FAM168B: variants seen among roughly 807,000 people sequenced by gnomAD.
FAM168B encodes the protein family with sequence similarity 168 member B, also known as myelin-associated neurite-outgrowth inhibitor.
A neutral mutation model predicts 21.8 loss-of-function variants in FAM168B; 19 were observed. The observed-to-expected ratio is 0.87, with a 90% CI of 0.61 to 1.28. The LOEUF (loss-of-function observed/expected upper bound fraction) is 1.28, where lower values mean the gene tolerates loss of function less well. Ranked by LOEUF, FAM168B falls within the 50% of genes most tolerant of loss-of-function variation. The pLI, the probability that FAM168B is intolerant of heterozygous loss-of-function variation, is 0.00. For missense variants in FAM168B, 233 were observed against 263.1 expected, an observed-to-expected ratio of 0.89 and a Z score of 0.79; for synonymous variants, 126 against 104.8, an observed-to-expected ratio of 1.20 and a Z score of -1.24.
intron 2 of FAM168B, among the ~76,000 whole-genome samples, chr2:131,076,428 G>A (rs1371836653): frequency 2.6e-5 from 4 of 152,040 alleles, no homozygotes; most frequent in Non-Finnish European, 5.9e-5. Flanking sequence ...TTGGGAGGCC[G>A]AGGCAGGTGG....
In FAM168B at chr2:131,059,017, T is replaced by A. The variant is rs116541756; in HGVS notation, c.155-3322A>T. On this transcript the variant is annotated intron_variant, in intron 3 of 6. Transcript: ENST00000389915. ...CCGGGACAGTCCAATTCCCCCTAAG[T>A]GACTAGCTAACTCAGGGAAGAAATG... 4.8e-3 allele frequency among the ~76,000 whole-genome samples: 737 copies of A among 152,190 alleles called. 2 individuals are homozygous for A. The highest frequency in any genetic ancestry group is 7.7e-3 in the Non-Finnish European group (522 of 68,022).
intron 2 of FAM168B, among the ~76,000 whole-genome samples, chr2:131,080,089 C>T (rs1339164594): frequency 6.6e-6 from 1 of 151,642 alleles, no homozygotes; most frequent in African/African-American, 2.4e-5. Context: ...TGCACTCCAG[C>T]CTGGGCAACA....
chr2:131,051,462 C>G lies in FAM168B; in HGVS notation c.*1003G>C. The G allele has an allele frequency of 1.0e-6, 1 of 982,130 alleles. No individual in the cohort carries two copies. The highest frequency in any genetic ancestry group is 1.2e-6 in the Non-Finnish European group (1 of 829,572). The allele number at this position is 982,130 out of a possible 1,614,324, so 60.8% of individuals were successfully genotyped here. On this transcript the variant is annotated 3_prime_UTR_variant, in exon 7 of 7. Transcript: ENST00000389915. ...AACAGCAATGCCTACCTGTTTTCAG[C>G]TGATTCAAACATTTCTCCAGGAAAA...
At chr2:131,055,839 C>T in intron 3 of FAM168B, 144 bp from the exon 4 acceptor site, 1 of 957,374 alleles carries the variant, frequency 1.0e-6, no homozygotes, top group Non-Finnish European at 1.5e-6. Flanking sequence ...CTCTCCTCCA[C>T]TAAGATCTGA....
chr2:131,058,955 T>C (rs1692163689), intron 3 of FAM168B, among the ~76,000 whole-genome samples: 3 of 152,112 alleles, frequency 2.0e-5, no homozygotes, highest in African/African-American at 7.2e-5. Context: ...AAGGAAAAGG[T>C]AGTGTGTCCG....
Position 131,093,435 on chromosome 2 carries a change from G to C in FAM168B, c.-233C>G, listed in dbSNP as rs925803604. On this transcript the variant is annotated 5_prime_UTR_variant, in exon 1 of 7. Transcript: ENST00000389915. ...TCCGCAGCCCGCGCTCCCCGCCGACGCTGCGCAGCCACCGGAGCCGCCGAC... is the reference window on the plus strand; with the variant it reads ...TCCGCAGCCCGCGCTCCCCGCCGACCCTGCGCAGCCACCGGAGCCGCCGAC... The C allele has an allele frequency of 3.3e-5, 5 of 151,272 alleles. No individual in the cohort carries two copies. The highest frequency in any genetic ancestry group is 4.1e-4 in the South Asian group (2 of 4,894). The allele number at this position is 151,272 out of a possible 1,614,324, so 9.4% of individuals were successfully genotyped here.
intron 2 of FAM168B, among the ~76,000 whole-genome samples, chr2:131,075,420 G>C (rs1018579717): frequency 3.3e-5 from 5 of 151,994 alleles, no homozygotes; most frequent in African/African-American, 1.2e-4. Flanking sequence ...CTCTGGATTT[G>C]TTTGCTGAAG....
intron 1 of FAM168B, among the ~76,000 whole-genome samples, chr2:131,087,041 G>C (rs1163380560): frequency 7.8e-6 from 1 of 127,616 alleles, no homozygotes; most frequent in Non-Finnish European, 1.6e-5. Context: ...ACTCCAGCCT[G>C]GGCGACAGCG....
chr2:131,085,527 T>C (rs752387992), intron 1 of FAM168B, among the ~76,000 whole-genome samples: 11 of 152,112 alleles, frequency 7.2e-5, no homozygotes, highest in Admixed American at 3.3e-4. Flanking sequence ...GAAGACAAAA[T>C]ACAAAAAGAA....
chr2:131,060,876 G>A (rs952793149), intron 3 of FAM168B, among the ~76,000 whole-genome samples: 1 of 151,876 alleles, frequency 6.6e-6, no homozygotes, highest in African/African-American at 2.4e-5. Flanking sequence ...TTTTGAGACG[G>A]AGTCTCGCTC....
At chr2:131,090,184 G>A (rs1174240055) in intron 1 of FAM168B, among the ~76,000 whole-genome samples, 24 of 147,878 alleles carry the variant, frequency 1.6e-4, no homozygotes, top group South Asian at 4.3e-4. Flanking sequence ...ATCCAGGCAC[G>A]GTGGCAGGCG....
In FAM168B at chr2:131,048,371, G is replaced by T. The variant is rs1005603196; in HGVS notation, c.*4094C>A. Reference sequence around the variant, plus strand: ...GTGGTGAGGAGGAGACACCTGTCATGCCAGTCCTGGGAGCACACCACCCTT... The same window carrying T: ...GTGGTGAGGAGGAGACACCTGTCATTCCAGTCCTGGGAGCACACCACCCTT... On this transcript the variant is annotated 3_prime_UTR_variant, in exon 7 of 7. Transcript: ENST00000389915. 7.7e-7 allele frequency: 1 copy of T among 1,291,670 alleles called. No homozygotes were observed. Among genetic ancestry groups the T allele is most frequent in the African/African-American group, 1.5e-5 (1 of 65,626 alleles). The allele number at this position is 1,291,670 out of a possible 1,614,324, so 80.0% of individuals were successfully genotyped here. A position where few individuals can be genotyped will look rare whatever the true frequency, so the allele number is the denominator to read the frequency against.
chr2:131,076,746 A>C (rs1693173360), intron 2 of FAM168B, among the ~76,000 whole-genome samples: 1 of 152,154 alleles, frequency 6.6e-6, no homozygotes, highest in African/African-American at 2.4e-5. Flanking sequence ...ACAAATTCAG[A>C]TAAAGTATCT....
chr2:131,082,477 C>T, intron 2 of FAM168B, 100 bp downstream of exon 2: 2 of 764,978 alleles, frequency 2.6e-6, no homozygotes, highest in Non-Finnish European at 2.1e-6. Flanking sequence ...TTGTCTAAGC[C>T]ACTTTGAGCT....
intron 2 of FAM168B, among the ~76,000 whole-genome samples, chr2:131,076,105 A>G (rs1693140586): frequency 6.6e-6 from 1 of 151,680 alleles, no homozygotes; most frequent in Non-Finnish European, 1.5e-5. Flanking sequence ...GACCCCCAAC[A>G]CTGCTTTAGC....
chr2:131,052,932 T>C lies in FAM168B; in HGVS notation c.559A>G (p.Thr187Ala). 2.6e-6 allele frequency: 4 copies of C among 1,562,500 alleles called. No homozygotes were observed. Among genetic ancestry groups the C allele is most frequent in the Non-Finnish European group, 3.5e-6 (4 of 1,152,502 alleles). The change falls in exon 6 of 7, where the codon ACT becomes GCT. Residue 187 changes from threonine (T) to alanine (A), a missense_variant. Thr to Ala is a moderately conservative substitution (Grantham distance 58, BLOSUM62 0). Transcript: ENST00000389915. ...CACTGAGGGGGCACATAGCTGTAAG[T>C]GGGCGTTCCTGGGGCCCGGTACGTG... ...VPTYRAPGTP[T>A]YSYVPPQW
At chr2:131,060,259 C>T (rs367865835) in intron 3 of FAM168B, among the ~76,000 whole-genome samples, 2 of 152,152 alleles carry the variant, frequency 1.3e-5, no homozygotes, top group African/African-American at 2.4e-5. Flanking sequence ...CTCCCAACCT[C>T]GTGATCCGCC....
chr2:131,067,742 TAC>T (rs1337008255), intron 3 of FAM168B, among the ~76,000 whole-genome samples: 2 of 150,688 alleles, frequency 1.3e-5, no homozygotes, highest in Non-Finnish European at 3.0e-5. Context: ...CACACACACA[TAC>T]ACACCCACCT....
chr2:131,056,593 G>A (rs1692035580), intron 3 of FAM168B, among the ~76,000 whole-genome samples: 1 of 152,186 alleles, frequency 6.6e-6, no homozygotes, highest in South Asian at 2.1e-4. Flanking sequence ...AGAGGGGTTT[G>A]GTCTCAGGGG....
Sources: gnomAD v4.1 joint callset for allele counts (sites outside exome capture counted in the v4.1 genomes callset) on GRCh38, gnomAD v4.1.1 for gene constraint, MANE v1.5 for transcripts, NCBI Gene and HGNC (gene_info 2026-07-23, HGNC 2026-07-21) for gene names.